The following AGPAT5 variants were observed in gnomAD, a reference collection of about 807,000 sequenced individuals.
AGPAT5 encodes 1-acylglycerol-3-phosphate O-acyltransferase 5.
Under a neutral mutation model 45.6 loss-of-function variants are expected in AGPAT5, and 46 were observed. The ratio of observed to expected loss-of-function variants is 1.01; its 90% CI spans 0.80 to 1.29. The LOEUF is 1.29. AGPAT5 is among the 50% of genes most tolerant of loss of function. The pLI, the probability that AGPAT5 is intolerant of heterozygous loss-of-function variation, is 0.00. For missense variants in AGPAT5, 673 were observed against 450.7 expected (o/e 1.49, Z -4.47); for synonymous variants, 272 against 167.0 (o/e 1.63, Z -4.85).
At chr8:6,738,203 C>CG (rs1164605953) in intron 4 of AGPAT5, among the ~76,000 whole-genome samples, 1 of 150,746 alleles carries the variant, frequency 6.6e-6, no homozygotes, top group African/African-American at 2.5e-5. Flanking sequence ...CTCACTAAGC[C>CG]ATTTCTAGCT....
Position 6,755,184 on chromosome 8 carries a change from A to G in AGPAT5, c.869+10A>G, listed in dbSNP as rs756074105. ...TCGAAATCAAAGATAAGTGAGTAAC[A>G]ACAGTTCCAGCACTTCCGGAACTTC... On this transcript the variant is annotated intron_variant, in intron 7 of 7. Transcript: ENST00000285518. 2.3e-5 allele frequency: 37 copies of G among 1,594,124 alleles called. No individual in the cohort carries two copies. Among genetic ancestry groups the G allele is most frequent in the Non-Finnish European group, 2.6e-5 (31 of 1,176,266 alleles).
At chr8:6,718,961 A>G (rs1021469415) in intron 1 of AGPAT5, among the ~76,000 whole-genome samples, 7 of 152,248 alleles carry the variant, frequency 4.6e-5, no homozygotes, top group African/African-American at 1.4e-4. Context: ...TCAAGTAACA[A>G]TAAAATTATG....
At position 6,753,164 on chromosome 8, in the gene AGPAT5, G is replaced by A. The variant is rs149662583; in HGVS notation, c.746-1887G>A. ...AAACAAAAGGACCCATGCACATTTC[G>A]GAGTGCTTTTGTCTCAGCAGCACTG... On this transcript the variant is annotated intron_variant, in intron 6 of 7. Transcript: ENST00000285518. 2.5e-3 allele frequency among the ~76,000 whole-genome samples: 376 copies of A among 152,328 alleles called. 2 individuals are homozygous for A. The highest frequency in any genetic ancestry group is 8.3e-3 in the African/African-American group (345 of 41,568).
intron 5 of AGPAT5, among the ~76,000 whole-genome samples, chr8:6,745,398 T>C (rs560640959): frequency 6.6e-6 from 1 of 152,346 alleles, no homozygotes; most frequent in East Asian, 1.9e-4. Context: ...CCTTGCTTTC[T>C]TGTGTTTGAC....
At chr8:6,710,529 C>T (rs1442592955) in intron 1 of AGPAT5, among the ~76,000 whole-genome samples, 1 of 152,204 alleles carries the variant, frequency 6.6e-6, no homozygotes, top group African/African-American at 2.4e-5. Flanking sequence ...CACTGATCAT[C>T]AAATGCAAGT....
At chr8:6,746,766 G>A (rs1229325737) in intron 5 of AGPAT5, among the ~76,000 whole-genome samples, 3 of 152,154 alleles carry the variant, frequency 2.0e-5, no homozygotes, top group Admixed American at 2.0e-4. Flanking sequence ...TTTCCCTCCA[G>A]AGAGGCCAGT....
intron 2 of AGPAT5, among the ~76,000 whole-genome samples, chr8:6,729,988 G>A (rs1266850901): frequency 6.6e-6 from 1 of 152,242 alleles, no homozygotes; most frequent in African/African-American, 2.4e-5. Context: ...ATTAGTAGAA[G>A]ATGAAGTGTC....
chr8:6,718,463 C>T (rs548228714), intron 1 of AGPAT5, among the ~76,000 whole-genome samples: 70 of 152,100 alleles, frequency 4.6e-4, no homozygotes, highest in African/African-American at 1.4e-3. Flanking sequence ...CCAGAGTTGA[C>T]GTGAGACAGA....
intron 3 of AGPAT5, among the ~76,000 whole-genome samples, 197 bp downstream of exon 3, chr8:6,731,023 C>G (rs1406252418): frequency 1.3e-5 from 2 of 151,982 alleles, no homozygotes; most frequent in African/African-American, 2.4e-5. Context: ...TGCCCACCAT[C>G]ATGCCCGGCT....
chr8:6,748,663 C>A lies in AGPAT5; in HGVS notation c.745+835C>A, dbSNP rs985782137. On this transcript the variant is annotated intron_variant, in intron 6 of 7. Coordinates refer to ENST00000285518, the MANE Select transcript of AGPAT5 (RefSeq NM_018361.5). ...GGAACTACATGCGTGTGCCACCATGCATGACTAATATTTGTATTTTTAGTA... is the reference window on the plus strand; with the variant it reads ...GGAACTACATGCGTGTGCCACCATGAATGACTAATATTTGTATTTTTAGTA... Among the ~76,000 whole-genome samples the A allele has an allele frequency of 1.5e-4, 23 of 152,336 alleles. 1 individual carries two copies. Among genetic ancestry groups the A allele is most frequent in the Admixed American group, 1.2e-3 (19 of 15,298 alleles).
At position 6,708,681 on chromosome 8, in the gene AGPAT5, C is replaced by CT; in HGVS notation, c.14dup (p.Val6GlyfsTer79). 1.9e-6 allele frequency: 3 copies of CT among 1,598,808 alleles called. No homozygotes were observed. Among genetic ancestry groups the CT allele is most frequent in the Non-Finnish European group, 1.7e-6 (2 of 1,177,932 alleles). Reference sequence around the variant, plus strand: ...CCGAGCTGAGAAGATGCTGCTGTCCCTGGTGCTCCACACGTACTCCATGCG... The same window carrying CT: ...CCGAGCTGAGAAGATGCTGCTGTCCCTTGGTGCTCCACACGTACTCCATGCG... On this transcript the variant is annotated frameshift_variant, in exon 1 of 8. Coordinates refer to ENST00000285518, the MANE Select transcript of AGPAT5 (RefSeq NM_018361.5). LOFTEE classifies it high-confidence loss of function.
chr8:6,727,276 C>G (rs937529411), intron 2 of AGPAT5, among the ~76,000 whole-genome samples: 18 of 152,172 alleles, frequency 1.2e-4, no homozygotes, highest in African/African-American at 4.3e-4. Context: ...ATCCTTGTCT[C>G]TACATTCTGT....
intron 1 of AGPAT5, among the ~76,000 whole-genome samples, chr8:6,718,548 G>A (rs576763687): frequency 6.6e-6 from 1 of 152,168 alleles, no homozygotes; most frequent in African/African-American, 2.4e-5. Flanking sequence ...ATGATCAGTG[G>A]CAAGTTCTGT....
In AGPAT5 at chr8:6,760,990, G is replaced by T. The variant is rs1432656427; in HGVS notation, c.*3602G>T. Among the ~76,000 whole-genome samples, 2 of 152,130 alleles carry T rather than the reference G, an allele frequency of 1.3e-5. No homozygotes were observed. The highest frequency in any genetic ancestry group is 4.8e-5 in the African/African-American group (2 of 41,416). ...CTCTTCGATACTATCATCAATATTT[G>T]ACATCTTTTCCAATTTGTGTATGAA... is the stretch of plus-strand genomic sequence containing the variant. On this transcript the variant is annotated 3_prime_UTR_variant, in exon 8 of 8. Transcript: ENST00000285518.
intron 4 of AGPAT5, among the ~76,000 whole-genome samples, chr8:6,736,362 ATTG>A (rs1801053868): frequency 6.6e-6 from 1 of 152,038 alleles, no homozygotes; most frequent in South Asian, 2.1e-4. Flanking sequence ...GTTTTAAATT[ATTG>A]TTTTTCATTA....
At position 6,747,829 on chromosome 8, in the gene AGPAT5, G is replaced by GT. The variant is rs1304330607; in HGVS notation, c.745+2dup. ...CGAAGAGAGTCACCGACCATGACGG[G>GT]TAAGTGTGTTCACGCACCTGAAATG... is the stretch of plus-strand genomic sequence containing the variant. On this transcript the variant is annotated splice_donor_variant, in intron 6 of 7. Transcript: ENST00000285518. LOFTEE classifies it high-confidence loss of function. The GT allele has an allele frequency of 6.2e-7, 1 of 1,613,728 alleles. No individual in the cohort carries two copies. Among genetic ancestry groups the GT allele is most frequent in the Non-Finnish European group, 8.5e-7 (1 of 1,179,842 alleles).
intron 1 of AGPAT5, among the ~76,000 whole-genome samples, chr8:6,713,570 G>A (rs1285072726): frequency 6.6e-6 from 1 of 151,876 alleles, no homozygotes; most frequent in East Asian, 1.9e-4. Context: ...ACTTTTTTTT[G>A]TAAGACAGAA....
chr8:6,732,353 C>G (rs1482221959), intron 3 of AGPAT5, among the ~76,000 whole-genome samples: 1 of 152,176 alleles, frequency 6.6e-6, no homozygotes, highest in African/African-American at 2.4e-5. Flanking sequence ...TACAGTGTCA[C>G]ATGCAGTTTT....
intron 1 of AGPAT5, among the ~76,000 whole-genome samples, chr8:6,717,918 A>C (rs1429300080): frequency 1.3e-5 from 2 of 152,222 alleles, no homozygotes; most frequent in Non-Finnish European, 2.9e-5. Flanking sequence ...GTTTTGTCAC[A>C]GTCAAAAGAT....
Sources: allele counts gnomAD v4.1 joint callset (sites outside exome capture counted in the v4.1 genomes callset), GRCh38; gene constraint gnomAD v4.1.1; transcripts MANE v1.5; gene names NCBI Gene and HGNC (gene_info 2026-07-23, HGNC 2026-07-21).